ZEB1: variants seen among roughly 807,000 people sequenced by gnomAD.
ZEB1 encodes zinc finger E-box binding homeobox 1.
ZEB1 carries 21 observed loss-of-function variants against 84.9 expected under a neutral mutation model. The ratio of observed to expected loss-of-function variants is 0.25; its 90% CI spans 0.18 to 0.36. The LOEUF is 0.36. Ranked by LOEUF, ZEB1 falls within the 10% of genes least tolerant of loss-of-function variation. ZEB1 has a pLI of 1.00. For missense variants in ZEB1, 1,104 were observed against 1,330.2 expected (o/e 0.83, Z 2.65); for synonymous variants, 420 against 471.1 (o/e 0.89, Z 1.41).
chr10:31,453,699 T>G (rs1246373364), intron 1 of ZEB1, among the ~76,000 whole-genome samples: 1 of 152,114 alleles, frequency 6.6e-6, no homozygotes, highest in African/African-American at 2.4e-5. Context: ...CTCCCAAGTC[T>G]AAACCCAGAA....
At chr10:31,456,251 C>CT (rs2061209862) in intron 1 of ZEB1, among the ~76,000 whole-genome samples, 1 of 152,086 alleles carries the variant, frequency 6.6e-6, no homozygotes, top group Non-Finnish European at 1.5e-5. Context: ...ACACCAGGGC[C>CT]TGTTGGCGGG....
At chr10:31,487,474 G>T (rs1478026217) in intron 2 of ZEB1, among the ~76,000 whole-genome samples, 1 of 151,260 alleles carries the variant, frequency 6.6e-6, no homozygotes, top group African/African-American at 2.4e-5. Context: ...TACATAGTTT[G>T]TTAAATTTAC....
chr10:31,436,663 T>C (rs1477267737), intron 1 of ZEB1, among the ~76,000 whole-genome samples: 1 of 152,194 alleles, frequency 6.6e-6, no homozygotes, highest in African/African-American at 2.4e-5. Flanking sequence ...ACTGAATATG[T>C]AATAAGCACT....
chr10:31,446,782 T>G (rs1361318144), intron 1 of ZEB1, among the ~76,000 whole-genome samples: 1 of 150,996 alleles, frequency 6.6e-6, no homozygotes, highest in Non-Finnish European at 1.5e-5. Context: ...GAGAGATAGT[T>G]TGTTACAATT....
chr10:31,386,031 A>G (rs1331103885), intron 1 of ZEB1, among the ~76,000 whole-genome samples: 1 of 152,148 alleles, frequency 6.6e-6, no homozygotes, highest in Non-Finnish European at 1.5e-5. Context: ...TTAATTTAAT[A>G]TTATGGTAAT....
Position 31,433,205 on chromosome 10 carries a change from T to C in ZEB1, c.59-27832T>C, listed in dbSNP as rs573751693. 3.1e-4 allele frequency among the ~76,000 whole-genome samples: 47 copies of C among 152,326 alleles called. No homozygotes were observed. In the South Asian group the frequency reaches 3.7e-3, roughly 12 times the overall value. ...TCATGCATTAGTTATTTGGAAGATA[T>C]TGGTTCACTGAATTGTCCAGATCTT... On this transcript the variant is annotated intron_variant, in intron 1 of 8. Coordinates refer to ENST00000424869, the MANE Select transcript of ZEB1 (RefSeq NM_001174096.2).
At chr10:31,431,762 A>G (rs2057740579) in intron 1 of ZEB1, among the ~76,000 whole-genome samples, 1 of 152,214 alleles carries the variant, frequency 6.6e-6, no homozygotes. Context: ...ATTACTTTCA[A>G]TCAGATGTAC....
chr10:31,453,941 G>T (rs1220263267), intron 1 of ZEB1, among the ~76,000 whole-genome samples: 2 of 152,080 alleles, frequency 1.3e-5, no homozygotes, highest in Admixed American at 1.3e-4. Context: ...CCAAAACCTG[G>T]CAGAGACACA....
chr10:31,366,037 A>G (rs2044411672), intron 1 of ZEB1, among the ~76,000 whole-genome samples: 1 of 152,214 alleles, frequency 6.6e-6, no homozygotes, highest in Non-Finnish European at 1.5e-5. Flanking sequence ...TGGCTCTAGC[A>G]AATCAGAGCT....
intron 1 of ZEB1, among the ~76,000 whole-genome samples, chr10:31,323,058 G>A (rs2034540319): frequency 6.6e-6 from 1 of 151,996 alleles, no homozygotes; most frequent in African/African-American, 2.4e-5. Flanking sequence ...AAGCAGGACT[G>A]TTTTAACTTG....
intron 1 of ZEB1, among the ~76,000 whole-genome samples, chr10:31,460,579 A>G (rs966765745): frequency 6.6e-6 from 1 of 151,994 alleles, no homozygotes; most frequent in Admixed American, 6.6e-5. Context: ...TTATCATTGG[A>G]GGGGAGGTTT....
At chr10:31,391,649 G>A (rs12570061) in intron 1 of ZEB1, among the ~76,000 whole-genome samples, 7,858 of 152,216 alleles carry the variant, frequency 0.052, 582 homozygotes, top group East Asian at 0.18. Flanking sequence ...AAACTAATGA[G>A]TTGTGTCTGC....
At chr10:31,416,599 T>A (rs759073916) in intron 1 of ZEB1, among the ~76,000 whole-genome samples, 1 of 152,108 alleles carries the variant, frequency 6.6e-6, no homozygotes, top group East Asian at 1.9e-4. Context: ...CTATTAGATA[T>A]TGAAGCAAAA....
At chr10:31,495,195 C>T (rs1042719836) in intron 2 of ZEB1, among the ~76,000 whole-genome samples, 1 of 151,966 alleles carries the variant, frequency 6.6e-6, no homozygotes, top group Non-Finnish European at 1.5e-5. Context: ...AGTTTTTTAA[C>T]TTATAAAATA....
intron 1 of ZEB1, among the ~76,000 whole-genome samples, chr10:31,380,866 G>A (rs919515763): frequency 1.3e-5 from 2 of 152,118 alleles, no homozygotes; most frequent in Non-Finnish European, 2.9e-5. Context: ...TTTAATGAAC[G>A]TTGTCAGTAT....
intron 2 of ZEB1, among the ~76,000 whole-genome samples, chr10:31,477,193 A>G (rs1447783471): frequency 1.3e-5 from 2 of 152,046 alleles, no homozygotes; most frequent in Non-Finnish European, 2.9e-5. Context: ...AAACAACTTC[A>G]GTAAAGTTTT....
rs1298050305 is a variant in ZEB1 at position 31,362,981 on chromosome 10, A to T, written c.58+43689A>T. On this transcript the variant is annotated intron_variant, in intron 1 of 8. Transcript: ENST00000424869. ...ACCAACAGTGCCTCAGGAGATAGAC[A>T]TGGAAGCTTTGCCGGTGGGGGCCGC... The T allele has an allele frequency of 6.5e-6, 10 of 1,533,948 alleles. No individual in the cohort carries two copies. In the Admixed American group the frequency reaches 2.0e-4, roughly 30 times the overall value.
intron 1 of ZEB1, among the ~76,000 whole-genome samples, chr10:31,440,310 T>G (rs2058770133): frequency 6.6e-6 from 1 of 152,164 alleles, no homozygotes; most frequent in African/African-American, 2.4e-5. Context: ...AAAAGCCACA[T>G]GATTATCTCA....
At chr10:31,508,687 C>T (rs1419942331) in intron 4 of ZEB1, among the ~76,000 whole-genome samples, 1 of 152,062 alleles carries the variant, frequency 6.6e-6, no homozygotes, top group East Asian at 1.9e-4. Context: ...GCTATCATGG[C>T]AGGGGCAGGA....
Sources: allele counts gnomAD v4.1 joint callset (sites outside exome capture counted in the v4.1 genomes callset), GRCh38; gene constraint gnomAD v4.1.1; transcripts MANE v1.5; gene names NCBI Gene and HGNC (gene_info 2026-07-23, HGNC 2026-07-21).